The following TRPM4 variants were observed in gnomAD, a reference collection of about 807,000 sequenced individuals.
TRPM4 encodes the protein calcium-activated non-selective cation channel 1.
Under a neutral mutation model 135.6 loss-of-function variants are expected in TRPM4, and 124 were observed. The observed-to-expected ratio is 0.91, with a 90% CI of 0.79 to 1.06. The LOEUF is 1.06. Among genes scored for constraint, TRPM4 ranks in the 50% least tolerant of loss-of-function variants. The probability of loss-of-function intolerance (pLI) is 0.00; values close to 1 mark genes in which losing one functional copy is unlikely to be tolerated. For synonymous variants in TRPM4, 745 were observed against 705.6 expected, an observed-to-expected ratio of 1.06 and a Z score of -0.88; for missense variants, 1,658 against 1,671.4, an observed-to-expected ratio of 0.99 and a Z score of 0.14.
At chr19:49,207,929 G>A (rs951955776) in intron 20 of TRPM4, among the ~76,000 whole-genome samples, 5 of 151,968 alleles carry the variant, frequency 3.3e-5, no homozygotes, top group South Asian at 2.1e-4. Flanking sequence ...GCCTGGCTGC[G>A]CTGTTATTTA....
intron 9 of TRPM4, among the ~76,000 whole-genome samples, chr19:49,177,102 C>T (rs936058646): frequency 1.3e-5 from 2 of 152,048 alleles, no homozygotes; most frequent in Non-Finnish European, 2.9e-5. Context: ...TAAGGTAACT[C>T]TCAGTGGGCA....
chr19:49,197,517 A>G (rs910587129), intron 17 of TRPM4, among the ~76,000 whole-genome samples: 2 of 60,002 alleles, frequency 3.3e-5, no homozygotes, highest in East Asian at 5.9e-4. Flanking sequence ...CCTTCCTTCT[A>G]TGCTTCCTTC....
At chr19:49,161,323 CTTTT>C (rs67808134) in intron 2 of TRPM4, among the ~76,000 whole-genome samples, 24,267 of 100,678 alleles carry the variant, frequency 0.24, 2,203 homozygotes, top group South Asian at 0.36. Flanking sequence ...GTCTCTCTCT[CTTTT>C]TTTTTTTTTT....
intron 3 of TRPM4, among the ~76,000 whole-genome samples, chr19:49,166,979 T>G (rs1428866053): frequency 6.9e-6 from 1 of 144,124 alleles, no homozygotes; most frequent in African/African-American, 2.6e-5. Context: ...TCTCTGTCCT[T>G]GTCTCTCTGG....
chr19:49,173,938 G>T (rs889285575), intron 9 of TRPM4, among the ~76,000 whole-genome samples: 1 of 151,896 alleles, frequency 6.6e-6, no homozygotes, highest in Non-Finnish European at 1.5e-5. Context: ...CCAAAGTGCT[G>T]GGATTACAGG....
intron 16 of TRPM4, among the ~76,000 whole-genome samples, chr19:49,195,683 AT>A (rs1293818542): frequency 0.027 from 3,479 of 127,110 alleles, 122 homozygotes; most frequent in African/African-American, 0.091. Flanking sequence ...TTCTACTTTA[AT>A]TTTTTTTTTT....
Position 49,188,956 on chromosome 19 carries a change from C to T in TRPM4, c.1884C>T (p.Gly628=), listed in dbSNP as rs958890884. The T allele has an allele frequency of 1.1e-5, 18 of 1,613,964 alleles. No individual in the cohort carries two copies. The highest frequency in any genetic ancestry group is 4.4e-5 in the South Asian group (4 of 91,090). The change falls in exon 14 of 25, where the codon GGC becomes GGT. Residue 628 remains glycine, a synonymous_variant. Coordinates refer to ENST00000252826, the MANE Select transcript of TRPM4 (RefSeq NM_017636.4). ...ACTCCTCTGCCCCAGACCTCTTTGG[C>T]GAGTGCTATCGCAGCAGTGAGGTGA... is the stretch of plus-strand genomic sequence containing the variant. ...KFEGMGVDLF[G]ECYRSSEVRA...
chr19:49,168,377 C>T lies in TRPM4; in HGVS notation c.566C>T (p.Ala189Val), dbSNP rs145501662. ...ACCAAGGTGGTGGCCATGGGTGTGG[C>T]CCCCTGGGGTGTGGTCCGGAATAGA... ...GGTKVVAMGV[A>V]PWGVVRNRDT... The change falls in exon 5 of 25, where the codon GCC becomes GTC. Residue 189 changes from alanine (A) to valine (V), a missense_variant. Around this residue, in one of 3 missense-constraint regions of TRPM4, gnomAD observed 1,412 missense variants for 1,408.7 expected, o/e 1.00. Transcript: ENST00000252826. 72 of 1,614,024 alleles carry T rather than the reference C, an allele frequency of 4.5e-5. No individual in the cohort carries two copies. The African/African-American group carries it at 8.5e-4, about 19-fold the overall frequency.
chr19:49,205,389 T>C (rs1226514284), intron 20 of TRPM4, among the ~76,000 whole-genome samples: 1 of 152,146 alleles, frequency 6.6e-6, no homozygotes, highest in Non-Finnish European at 1.5e-5. Context: ...TTACTTAAAT[T>C]GGATTAGGGA....
chr19:49,166,278 G>T, intron 3 of TRPM4, 63 bp downstream of exon 3: 1 of 1,500,630 alleles, frequency 6.7e-7, no homozygotes, highest in Non-Finnish European at 9.0e-7. Flanking sequence ...GGGCTCCAGA[G>T]TGGAGCCGGG....
Position 49,211,094 on chromosome 19 carries a change from C to G in TRPM4, c.3534+7C>G, listed in dbSNP as rs1053476352. 6.2e-7 allele frequency: 1 copy of G among 1,613,894 alleles called. No individual in the cohort carries two copies. The highest frequency in any genetic ancestry group is 1.7e-5 in the Admixed American group (1 of 59,986). ...GAAAGTGCTGGAGCGGGAGGTGAGGCCTTGGGGCCTGGCTGGGGGACTGTG... is the reference window on the plus strand; with the variant it reads ...GAAAGTGCTGGAGCGGGAGGTGAGGGCTTGGGGCCTGGCTGGGGGACTGTG... On this transcript the variant is annotated splice_region_variant and intron_variant, in intron 23 of 24. Coordinates refer to ENST00000252826, the MANE Select transcript of TRPM4 (RefSeq NM_017636.4). The surrounding 1 kb of genome is among the most constrained non-coding windows in gnomAD (Gnocchi z 4.8).
chr19:49,166,728 C>T (rs1221642238), intron 3 of TRPM4, among the ~76,000 whole-genome samples: 1 of 149,584 alleles, frequency 6.7e-6, no homozygotes, highest in East Asian at 2.0e-4. Flanking sequence ...CTCTGTGTCT[C>T]TGTCCCCGTC....
chr19:49,200,518 G>C, intron 18 of TRPM4, 86 bp downstream of exon 18: 1 of 1,594,430 alleles, frequency 6.3e-7, no homozygotes, highest in Non-Finnish European at 8.5e-7. Flanking sequence ...GAAGGGGCGT[G>C]ACTTTGGGGA....
At chr19:49,175,327 G>A (rs558472953) in intron 9 of TRPM4, among the ~76,000 whole-genome samples, 160 of 151,996 alleles carry the variant, frequency 1.1e-3, no homozygotes, top group African/African-American at 3.5e-3. Flanking sequence ...CGCCCGCCTC[G>A]GCCTCCCAAA....
Position 49,171,296 on chromosome 19 carries a change from T to C in TRPM4, c.797-61T>C. The C allele has an allele frequency of 6.3e-7, 1 of 1,592,340 alleles. No individual in the cohort carries two copies. ...TGCCGACTCCTGGGAAATGCGGTTTTCTCCTATCTCCAGCAAAGGCTGATG... is the reference window on the plus strand; with the variant it reads ...TGCCGACTCCTGGGAAATGCGGTTTCCTCCTATCTCCAGCAAAGGCTGATG... On this transcript the variant is annotated intron_variant, in intron 6 of 24. Coordinates refer to ENST00000252826, the MANE Select transcript of TRPM4 (RefSeq NM_017636.4). This position sits in a 1 kb window ranked among gnomAD's most constrained non-coding sequence, Gnocchi z 4.7.
At chr19:49,198,145 A>G (rs975993495) in intron 17 of TRPM4, among the ~76,000 whole-genome samples, 2 of 152,162 alleles carry the variant, frequency 1.3e-5, no homozygotes, top group African/African-American at 2.4e-5. Context: ...TTCAACATAA[A>G]TAATTTATTC....
chr19:49,196,851 C>A lies in TRPM4; in HGVS notation c.2622C>A (p.Cys874Ter). Residue 874 changes from cysteine (C) to a stop codon, truncating the protein, a stop_gained, in exon 17 of 25, where the codon TGC (cysteine) becomes TGA (stop). Coordinates refer to ENST00000252826, the MANE Select transcript of TRPM4 (RefSeq NM_017636.4). LOFTEE classifies it high-confidence loss of function. ...AGTGCGACCTAGTGGCTCTCACCTG[C>A]TTCCTCCTGGGCGTGGGCTGCCGGT... ...WNQCDLVALT[C>*]FLLGVGCRLT... 1 of 1,587,528 alleles carries A rather than the reference C, an allele frequency of 6.3e-7. No individual in the cohort carries two copies. Among genetic ancestry groups the A allele is most frequent in the Non-Finnish European group, 8.5e-7 (1 of 1,174,938 alleles).
chr19:49,168,574 C>G lies in TRPM4; in HGVS notation c.634C>G (p.Arg212Gly). The G allele has an allele frequency of 6.2e-7, 1 of 1,613,798 alleles. No homozygotes were observed. Among genetic ancestry groups the G allele is most frequent in the Admixed American group, 1.7e-5 (1 of 60,010 alleles). ...NPKGSFPARY[R>G]WRGDPEDGVQ... ...CTAGGGCTCGTTCCCTGCGAGGTAC[C>G]GGTGGCGCGGTGACCCGGAGGACGG... The change falls in exon 6 of 25, where the codon CGG becomes GGG. Residue 212 changes from arginine (R) to glycine (G), a missense_variant. Around this residue, in one of 3 missense-constraint regions of TRPM4, gnomAD observed 1,412 missense variants for 1,408.7 expected, o/e 1.00. Coordinates refer to ENST00000252826, the MANE Select transcript of TRPM4 (RefSeq NM_017636.4).
intron 2 of TRPM4, among the ~76,000 whole-genome samples, chr19:49,162,696 C>T (rs1299298698): frequency 6.6e-6 from 1 of 152,138 alleles, no homozygotes; most frequent in Non-Finnish European, 1.5e-5. Flanking sequence ...TCTATGTCTA[C>T]ATCCAATATG....
Sources: gnomAD v4.1 joint callset for allele counts (sites outside exome capture counted in the v4.1 genomes callset) on GRCh38, gnomAD v4.1.1 for gene constraint, gnomAD v4.1.1 regional missense constraint, Gnocchi (gnomAD v3.1) non-coding constraint, MANE v1.5 for transcripts, NCBI Gene and HGNC (gene_info 2026-07-23, HGNC 2026-07-21) for gene names.